Variants in LASP1 observed in about 807,000 individuals in gnomAD.
LASP1 encodes the protein LIM and SH3 domain protein 1.
Under a neutral mutation model 38.6 loss-of-function variants are expected in LASP1, and 10 were observed. The observed-to-expected ratio is 0.26, with a 90% CI of 0.16 to 0.44. The LOEUF is 0.44. LASP1 is among the 20% of genes least tolerant of loss of function. The probability of loss-of-function intolerance (pLI) is 1.00; values close to 1 mark genes in which losing one functional copy is unlikely to be tolerated. For missense variants in LASP1, 243 were observed against 375.7 expected (o/e 0.65, Z 2.92); for synonymous variants, 132 against 140.8 (o/e 0.94, Z 0.44).
At chr17:38,898,926 C>T (rs964991756) in intron 4 of LASP1, 15 of 365,238 alleles carry the variant, frequency 4.1e-5, no homozygotes, top group African/African-American at 1.7e-4. Flanking sequence ...CAGTCATTTC[C>T]GCCCTTCCTT....
intron 6 of LASP1, among the ~76,000 whole-genome samples, chr17:38,917,375 C>CAGGGGAGG (rs1915161376): frequency 6.6e-6 from 1 of 152,056 alleles, no homozygotes; most frequent in Admixed American, 6.6e-5. Context: ...AGAATGTTGT[C>CAGGGGAGG]TATAGCTATA....
intron 2 of LASP1, among the ~76,000 whole-genome samples, chr17:38,881,681 GC>G (rs1913956797): frequency 6.6e-6 from 1 of 152,214 alleles, no homozygotes; most frequent in South Asian, 2.1e-4. Context: ...GCTGGGCCAA[GC>G]CCAGTGCAGG....
intron 4 of LASP1, among the ~76,000 whole-genome samples, chr17:38,909,217 A>G (rs1295185769): frequency 6.6e-6 from 1 of 151,932 alleles, no homozygotes; most frequent in East Asian, 1.9e-4. Context: ...TCTTCACTCT[A>G]TGTCCCGCTT....
intron 2 of LASP1, among the ~76,000 whole-genome samples, chr17:38,887,937 TG>T (rs1230238664): frequency 6.6e-6 from 1 of 152,128 alleles, no homozygotes; most frequent in African/African-American, 2.4e-5. Flanking sequence ...GTGTCAGTTT[TG>T]GGTGGAACGT....
intron 1 of LASP1, among the ~76,000 whole-genome samples, chr17:38,874,457 C>T (rs1280854665): frequency 6.6e-6 from 1 of 152,076 alleles, no homozygotes; most frequent in African/African-American, 2.4e-5. Context: ...TTTTCTGCCT[C>T]CCCTCCCCAC....
intron 1 of LASP1, among the ~76,000 whole-genome samples, chr17:38,876,343 C>CTATTTATTTATTTATT (rs374232262): frequency 6.7e-6 from 1 of 148,494 alleles, no homozygotes; most frequent in African/African-American, 2.5e-5. Context: ...CATACCCGGC[C>CTATTTATTTATTTATT]TATTTATTTA....
At chr17:38,916,388 C>T (rs8077141) in intron 6 of LASP1, 51,716 of 142,060 alleles carry the variant, frequency 0.36, 9,712 homozygotes, top group African/African-American at 0.54. Context: ...GGTGAAACCC[C>T]CTGTCTACCA....
At chr17:38,879,821 C>T (rs1413958438) in intron 2 of LASP1, among the ~76,000 whole-genome samples, 2 of 152,050 alleles carry the variant, frequency 1.3e-5, no homozygotes. Flanking sequence ...CTAACCTGCA[C>T]CAGGTGCTGG....
intron 3 of LASP1, among the ~76,000 whole-genome samples, chr17:38,893,042 T>C (rs1303515739): frequency 6.6e-6 from 1 of 152,216 alleles, no homozygotes; most frequent in Non-Finnish European, 1.5e-5. Context: ...TATGCGTGTA[T>C]GCCTGACTTT....
In LASP1 at chr17:38,914,305, A is replaced by C. The variant is rs763866164; in HGVS notation, c.358-20A>C. 11 of 1,594,486 alleles carry C rather than the reference A, an allele frequency of 6.9e-6. No homozygotes were observed. The East Asian group carries it at 2.3e-4, about 33-fold the overall frequency. ...TGGTTTGCAGTGGGACCCTTCACCT[A>C]GTGCCTTCTGACCTTGCAGATAAAA... On this transcript the variant is annotated intron_variant, in intron 4 of 6. Transcript: ENST00000318008.
rs560906920 is a variant in LASP1, at chr17:38,888,431, C to T, written c.165-1989C>T. Among the ~76,000 whole-genome samples, 218 of 152,194 alleles carry T rather than the reference C, an allele frequency of 1.4e-3. 1 individual carries two copies. Among genetic ancestry groups the T allele is most frequent in the African/African-American group, 5.1e-3 (213 of 41,512 alleles). The stretch of plus-strand genomic sequence containing the variant: ...TAGCTGGGATTACAGCTATGCGCCA[C>T]GGTGCCCGGCTAATTTTTGTATTTT... On this transcript the variant is annotated intron_variant, in intron 2 of 6. Transcript: ENST00000318008.
At chr17:38,911,086 C>T (rs1026684548) in intron 4 of LASP1, among the ~76,000 whole-genome samples, 3 of 152,170 alleles carry the variant, frequency 2.0e-5, no homozygotes, top group Non-Finnish European at 2.9e-5. Flanking sequence ...TTCTCTTCAG[C>T]CAGTCCTGAG....
intron 3 of LASP1, among the ~76,000 whole-genome samples, chr17:38,892,943 GCGTGTC>G (rs1232670753): frequency 6.6e-6 from 1 of 152,224 alleles, no homozygotes; most frequent in East Asian, 1.9e-4. Flanking sequence ...GAGGGCCAGA[GCGTGTC>G]CGTGTGTGTA....
chr17:38,900,373 C>G (rs1268843074), intron 4 of LASP1, among the ~76,000 whole-genome samples: 1 of 36,054 alleles, frequency 2.8e-5, no homozygotes, highest in Non-Finnish European at 8.2e-5. Context: ...GAGTGAGACC[C>G]TGTTTCCAAA....
chr17:38,900,650 C>A (rs1348741491), intron 4 of LASP1, among the ~76,000 whole-genome samples: 2 of 151,878 alleles, frequency 1.3e-5, no homozygotes, highest in Non-Finnish European at 2.9e-5. Context: ...TCCAGCCTGG[C>A]GACAGAGCAA....
chr17:38,876,026 C>T (rs1427763364), intron 1 of LASP1, among the ~76,000 whole-genome samples: 1 of 152,012 alleles, frequency 6.6e-6, no homozygotes. Context: ...GGCAGTGGAC[C>T]CCTGTTTGGT....
chr17:38,897,134 T>G (rs773896960), intron 3 of LASP1: 54 of 940,242 alleles, frequency 5.7e-5, no homozygotes, highest in Non-Finnish European at 6.7e-5. Flanking sequence ...TCTGAACTAA[T>G]GGGGAACAGC....
chr17:38,878,108 A>G lies in LASP1; in HGVS notation c.92A>G (p.His31Arg), dbSNP rs1397391463. ...LDKFWHKACF[H>R]CETCKMTLNM... is the part of the protein sequence containing the mutation. ...CAGTTCTGGCATAAAGCATGCTTCC[A>G]TTGCGAGACCTGCAAGATGACACTG... Residue 31 changes from histidine (H) to arginine (R), a missense_variant, in exon 2 of 7, where the codon CAT (histidine) becomes CGT (arginine). His to Arg is a conservative substitution (Grantham distance 29, BLOSUM62 0). This residue lies in a region of LASP1 where 43 missense variants were observed against 108.3 expected (regional missense o/e 0.40). Transcript: ENST00000318008. 6.2e-7 allele frequency: 1 copy of G among 1,613,738 alleles called. No individual in the cohort carries two copies. The highest frequency in any genetic ancestry group is 8.5e-7 in the Non-Finnish European group (1 of 1,179,822).
chr17:38,896,981 C>T (rs1378463275), intron 3 of LASP1: 1 of 985,372 alleles, frequency 1.0e-6, no homozygotes, highest in Non-Finnish European at 1.2e-6. Context: ...GAGTGCCCTA[C>T]CTTCCCCGAT....
Sources: allele counts gnomAD v4.1 joint callset (sites outside exome capture counted in the v4.1 genomes callset), GRCh38; gene constraint gnomAD v4.1.1; regional missense constraint gnomAD v4.1.1; transcripts MANE v1.5; gene names NCBI Gene and HGNC (gene_info 2026-07-23, HGNC 2026-07-21).